Variants in SNRPN observed in about 807,000 individuals in gnomAD.
SNRPN encodes small nuclear ribonucleoprotein polypeptide N, also known as small nuclear ribonucleoprotein-associated protein N.
A neutral mutation model predicts 25.2 loss-of-function variants in SNRPN; 7 were observed. The ratio of observed to expected loss-of-function variants is 0.28; its 90% CI spans 0.16 to 0.52. SNRPN has a LOEUF of 0.52. Among genes scored for constraint, SNRPN ranks in the 20% least tolerant of loss-of-function variants. The pLI is 0.96. For synonymous variants in SNRPN, 124 were observed against 110.6 expected, an observed-to-expected ratio of 1.12 and a Z score of -0.76; for missense variants, 196 against 322.5, an observed-to-expected ratio of 0.61 and a Z score of 3.00.
intron 3 of SNRPN, among the ~76,000 whole-genome samples, chr15:24,970,650 C>T (rs2554429): frequency 0.43 from 64,838 of 152,020 alleles, 15,265 homozygotes; most frequent in African/African-American, 0.63. Context: ...ACATATCCAA[C>T]TGGATACCTA....
chr15:24,918,977 A>T (rs1197264571), intron 2 of SNRPN, among the ~76,000 whole-genome samples: 3 of 125,278 alleles, frequency 2.4e-5, no homozygotes, highest in Non-Finnish European at 3.3e-5. Flanking sequence ...ATATATATAT[A>T]ACATAATATA....
chr15:24,946,764 C>A (rs1329398970), intron 3 of SNRPN, among the ~76,000 whole-genome samples: 1 of 152,186 alleles, frequency 6.6e-6, no homozygotes, highest in East Asian at 1.9e-4. Flanking sequence ...CCTGCAGTGG[C>A]CATCACATGG....
chr15:24,969,490 T>G (rs373016790), intron 3 of SNRPN, among the ~76,000 whole-genome samples: 1 of 152,212 alleles, frequency 6.6e-6, no homozygotes, highest in African/African-American at 2.4e-5. Context: ...TCTTGAATCC[T>G]TTATACACAA....
chr15:24,831,896 C>T (rs78152461), intron 2 of SNRPN, among the ~76,000 whole-genome samples: 1,805 of 152,062 alleles, frequency 0.012, 55 homozygotes, highest in African/African-American at 0.041. Flanking sequence ...AGGTTGATCC[C>T]ATATTTGGCT....
Position 24,925,223 on chromosome 15 carries a change from C to G in SNRPN, c.-391+5099C>G, listed in dbSNP as rs541843873. Reference sequence around the variant, plus strand: ...CCATAGTATATATGTTGCTTACTAGCTTATAAAGGGCCCCTGGAAGAAAGG... The same window carrying G: ...CCATAGTATATATGTTGCTTACTAGGTTATAAAGGGCCCCTGGAAGAAAGG... On this transcript the variant is annotated intron_variant, in intron 3 of 11. Coordinates refer to the SNRPN transcript ENST00000400097. Among the ~76,000 whole-genome samples the G allele has an allele frequency of 1.3e-3, 191 of 152,200 alleles. No homozygotes were observed. The Middle Eastern group carries it at 0.014, about 11-fold the overall frequency.
At chr15:24,881,526 C>CAAGA (rs1555388028) in intron 1 of SNRPN, among the ~76,000 whole-genome samples, 1 of 72,506 alleles carries the variant, frequency 1.4e-5, no homozygotes, top group Non-Finnish European at 2.9e-5. Flanking sequence ...AGCGAAACTC[C>CAAGA]GAGAGAGAGA....
chr15:24,844,605 A>G (rs2052023991), intron 2 of SNRPN, among the ~76,000 whole-genome samples: 1 of 152,062 alleles, frequency 6.6e-6, no homozygotes, highest in Non-Finnish European at 1.5e-5. Context: ...GCTCACTGCA[A>G]CTTCCGCCTC....
At position 24,956,541 on chromosome 15, in the gene SNRPN, C is replaced by T. The variant is rs115656960; in HGVS notation, c.-391+1479C>T. ...GCTGCTTGGGAAAGGATGCAGGTTG[C>T]GCAGACGCAGCAGAGGTGACAGTCG... On this transcript the variant is annotated intron_variant, in intron 1 of 9. Transcript: ENST00000390687. 3.0e-3 allele frequency among the ~76,000 whole-genome samples: 454 copies of T among 152,290 alleles called. 1 individual carries two copies. The highest frequency in any genetic ancestry group is 0.011 in the African/African-American group (438 of 41,572).
Position 24,967,913 on chromosome 15 carries a change from T to C in SNRPN, c.-294-19T>C. 1 of 1,598,712 alleles carries C rather than the reference T, an allele frequency of 6.3e-7. No individual in the cohort carries two copies. Among genetic ancestry groups the C allele is most frequent in the Non-Finnish European group, 8.6e-7 (1 of 1,166,134 alleles). On this transcript the variant is annotated intron_variant, in intron 2 of 9. Coordinates refer to ENST00000390687, the MANE Select transcript of SNRPN (RefSeq NM_003097.6). ...CAAATGTATTTTTATCATTTATATA[T>C]ATTGTGCTCTTGTTGTAGGTGTCAG...
chr15:24,900,276 G>A (rs922983727), intron 2 of SNRPN, among the ~76,000 whole-genome samples: 1 of 152,224 alleles, frequency 6.6e-6, no homozygotes, highest in East Asian at 1.9e-4. Flanking sequence ...CTTCCATGGC[G>A]ACTATAAAGG....
intron 3 of SNRPN, among the ~76,000 whole-genome samples, 177 bp from the exon 4 acceptor site, chr15:24,974,134 A>G (rs568370618): frequency 1.3e-5 from 2 of 152,354 alleles, no homozygotes; most frequent in African/African-American, 4.8e-5. Flanking sequence ...AAGTGTGTCA[A>G]ATGTGAGAGT....
rs540385143 is a variant in SNRPN at position 24,974,539 on chromosome 15, G to A, written c.3+83G>A. On this transcript the variant is annotated intron_variant, in intron 4 of 9. Transcript: ENST00000390687. Reference sequence around the variant, plus strand: ...TTTGCCAGCATGTGCAGTGATCTTGGGTTCTGAATGTTAGAAATAAGGATA... The same window carrying A: ...TTTGCCAGCATGTGCAGTGATCTTGAGTTCTGAATGTTAGAAATAAGGATA... 1.4e-5 allele frequency: 18 copies of A among 1,294,564 alleles called. No homozygotes were observed. In the South Asian group the frequency reaches 1.9e-4, roughly 14 times the overall value. The allele number at this position is 1,294,564 out of a possible 1,614,324, so 80.2% of individuals were successfully genotyped here.
At chr15:24,909,526 A>G in intron 2 of SNRPN, 1 of 1,486,518 alleles carries the variant, frequency 6.7e-7, no homozygotes, top group Non-Finnish European at 9.3e-7. Flanking sequence ...GGCCAGTACA[A>G]TATGCTGCAG....
intron 3 of SNRPN, among the ~76,000 whole-genome samples, chr15:24,927,037 A>G (rs2152750879): frequency 6.6e-6 from 1 of 151,906 alleles, no homozygotes; most frequent in South Asian, 2.1e-4. Flanking sequence ...AAAAAAACCT[A>G]CCCTTTATCC....
Position 24,955,244 on chromosome 15 carries a change from C to T in SNRPN, c.-391+182C>T, listed in dbSNP as rs184063488. Among the ~76,000 whole-genome samples the T allele has an allele frequency of 2.2e-4, 34 of 152,266 alleles. No homozygotes were observed. In the East Asian group the frequency reaches 6.0e-3, roughly 27 times the overall value. On this transcript the variant is annotated intron_variant, in intron 1 of 9. Transcript: ENST00000390687. ...GGCTTGCTGTTGTGCCGTTCTGCCC[C>T]GATGGTATCCTGTCCGCTCGCATTG...
At chr15:24,879,263 C>G (rs1376493302) in intron 1 of SNRPN, among the ~76,000 whole-genome samples, 1 of 151,890 alleles carries the variant, frequency 6.6e-6, no homozygotes, top group African/African-American at 2.4e-5. Context: ...GGTGAAACCT[C>G]GTCTCTACTA....
At chr15:24,927,572 C>T (rs1346287808) in intron 3 of SNRPN, among the ~76,000 whole-genome samples, 1 of 139,842 alleles carries the variant, frequency 7.2e-6, no homozygotes, top group Non-Finnish European at 1.5e-5. Context: ...AATGCATTTC[C>T]TGAGAACCGG....
intron 2 of SNRPN, among the ~76,000 whole-genome samples, chr15:24,900,162 G>A (rs1038538840): frequency 1.3e-5 from 2 of 152,154 alleles, no homozygotes; most frequent in Non-Finnish European, 2.9e-5. Flanking sequence ...AGGACTGTGG[G>A]GTGGAATGGA....
chr15:24,956,553 A>C (rs2062936817), intron 1 of SNRPN, among the ~76,000 whole-genome samples: 1 of 152,216 alleles, frequency 6.6e-6, no homozygotes. Flanking sequence ...CAGACGCAGC[A>C]GAGGTGACAG....
Sources: allele counts gnomAD v4.1 joint callset (sites outside exome capture counted in the v4.1 genomes callset), GRCh38; gene constraint gnomAD v4.1.1; transcripts MANE v1.5; gene names NCBI Gene and HGNC (gene_info 2026-07-23, HGNC 2026-07-21).